The following SYN3 variants were observed in gnomAD, a reference collection of about 807,000 sequenced individuals.
The protein encoded by SYN3 is synapsin III.
A neutral mutation model predicts 65.8 loss-of-function variants in SYN3; 35 were observed. The observed-to-expected ratio is 0.53, with a 90% confidence interval of 0.41 to 0.70. SYN3 has a LOEUF of 0.70. Ranked by LOEUF, SYN3 falls within the 30% of genes least tolerant of loss-of-function variation. The pLI, the probability that SYN3 is intolerant of heterozygous loss-of-function variation, is 0.00. For missense variants in SYN3, 680 were observed against 749.0 expected (o/e 0.91, Z 1.08); for synonymous variants, 270 against 292.9 (o/e 0.92, Z 0.80).
chr22:32,752,851 T>C (rs908224618), intron 6 of SYN3, among the ~76,000 whole-genome samples: 21 of 151,930 alleles, frequency 1.4e-4, no homozygotes, highest in African/African-American at 5.1e-4. Flanking sequence ...GGAGCATGCA[T>C]GGGGGGCCGG....
At chr22:32,848,314 T>A (rs1343904105) in intron 6 of SYN3, among the ~76,000 whole-genome samples, 1 of 152,190 alleles carries the variant, frequency 6.6e-6, no homozygotes, top group Non-Finnish European at 1.5e-5. Flanking sequence ...GTGGGAAATT[T>A]CATAAGATCT....
intron 6 of SYN3, among the ~76,000 whole-genome samples, chr22:32,619,396 TG>T (rs2059564965): frequency 6.6e-6 from 1 of 152,218 alleles, no homozygotes; most frequent in African/African-American, 2.4e-5. Context: ...ACCCCTGTTC[TG>T]AAATACCAGG....
intron 3 of SYN3, among the ~76,000 whole-genome samples, chr22:32,958,439 T>C (rs1601786710): frequency 6.6e-6 from 1 of 152,256 alleles, no homozygotes; most frequent in East Asian, 1.9e-4. Flanking sequence ...GAAGTAGTAG[T>C]TGGAGTCTTT....
chr22:32,637,309 G>A lies in SYN3; in HGVS notation c.712-40573C>T, dbSNP rs568579716. ...GCCTCAGTTTCCTTAACTTCAAAAC[G>A]AGGATGATGACGGTCCCACCATCAT... is the stretch of plus-strand genomic sequence containing the variant. On this transcript the variant is annotated intron_variant, in intron 6 of 13. Transcript: ENST00000358763. Among the ~76,000 whole-genome samples, 8 of 152,304 alleles carry A rather than the reference G, an allele frequency of 5.3e-5. No homozygotes were observed. The South Asian group carries it at 8.3e-4, about 16-fold the overall frequency.
rs1283609373 is a variant in SYN3 at position 32,951,198 on chromosome 22, C to G, written c.370-19717G>C. Among the ~76,000 whole-genome samples the G allele has an allele frequency of 1.6e-4, 25 of 152,176 alleles. 1 individual carries two copies. The highest frequency in any genetic ancestry group is 3.7e-4 in the Non-Finnish European group (25 of 68,026). Reference sequence around the variant, plus strand: ...TACTCTGATGCCTCCCCCCATCCCCCTAGTTCCGACTTGCTCAGCCATTGC... The same window carrying G: ...TACTCTGATGCCTCCCCCCATCCCCGTAGTTCCGACTTGCTCAGCCATTGC... On this transcript the variant is annotated intron_variant, in intron 3 of 13. Transcript: ENST00000358763.
chr22:33,015,842 TTTC>T (rs922144151), intron 1 of SYN3, among the ~76,000 whole-genome samples: 20 of 143,304 alleles, frequency 1.4e-4, no homozygotes, highest in Non-Finnish European at 2.6e-4. Context: ...CAAATTTTCT[TTTC>T]TTTTTTTTTT....
At chr22:32,877,092 T>C (rs1304772099) in intron 4 of SYN3, among the ~76,000 whole-genome samples, 1 of 152,234 alleles carries the variant, frequency 6.6e-6, no homozygotes, top group Non-Finnish European at 1.5e-5. Context: ...GTCTGTGCCC[T>C]CTGGCCCCAA....
At chr22:32,929,935 T>C (rs1359323508) in intron 4 of SYN3, among the ~76,000 whole-genome samples, 1 of 152,174 alleles carries the variant, frequency 6.6e-6, no homozygotes, top group Non-Finnish European at 1.5e-5. Flanking sequence ...GGTAATTCCT[T>C]ACTGTCACAC....
chr22:32,553,394 AT>A (rs1440944390), intron 7 of SYN3, among the ~76,000 whole-genome samples: 1 of 152,254 alleles, frequency 6.6e-6, no homozygotes, highest in African/African-American at 2.4e-5. Context: ...GGTAAAAGAT[AT>A]CAAAAGGAAA....
intron 1 of SYN3, among the ~76,000 whole-genome samples, chr22:33,029,892 A>G (rs1282056559): frequency 6.6e-6 from 1 of 152,126 alleles, no homozygotes; most frequent in Non-Finnish European, 1.5e-5. Flanking sequence ...TTATAGCTCC[A>G]TTCCCCACGC....
intron 6 of SYN3, among the ~76,000 whole-genome samples, chr22:32,669,680 C>T (rs1160729944): frequency 6.6e-6 from 1 of 152,188 alleles, no homozygotes; most frequent in Non-Finnish European, 1.5e-5. Context: ...TAGTTTTATA[C>T]ATGGTTGTCC....
intron 1 of SYN3, among the ~76,000 whole-genome samples, chr22:33,044,844 CTT>C (rs1302960357): frequency 1.6e-4 from 22 of 134,822 alleles, no homozygotes; most frequent in Admixed American, 3.3e-4. Context: ...GATGATTCTT[CTT>C]TTTTTTTTTT....
At chr22:32,618,154 T>A (rs1030956791) in intron 6 of SYN3, among the ~76,000 whole-genome samples, 1 of 151,946 alleles carries the variant, frequency 6.6e-6, no homozygotes, top group Non-Finnish European at 1.5e-5. Flanking sequence ...AACCACTAAA[T>A]CTTTGATGAT....
intron 10 of SYN3, among the ~76,000 whole-genome samples, chr22:32,531,496 C>T (rs577731220): frequency 3.3e-5 from 5 of 152,324 alleles, no homozygotes; most frequent in South Asian, 2.1e-4. Flanking sequence ...TGGCCACCCT[C>T]GTCTCCCCAG....
At chr22:32,739,162 T>A (rs888063255) in intron 6 of SYN3, among the ~76,000 whole-genome samples, 1 of 145,664 alleles carries the variant, frequency 6.9e-6, no homozygotes, top group African/African-American at 2.5e-5. Context: ...TGGTGGGAGA[T>A]AATTGAATCA....
intron 6 of SYN3, among the ~76,000 whole-genome samples, chr22:32,856,692 C>T (rs565519298): frequency 2.0e-5 from 3 of 152,284 alleles, no homozygotes; most frequent in South Asian, 4.1e-4. Flanking sequence ...CTACTAGCTA[C>T]TTTGAGATAT....
intron 6 of SYN3, among the ~76,000 whole-genome samples, chr22:32,737,535 A>G (rs1466239227): frequency 1.3e-5 from 2 of 151,386 alleles, no homozygotes; most frequent in East Asian, 3.9e-4. Flanking sequence ...CTCACTGTTC[A>G]ATTCCCACCT....
At position 32,825,583 on chromosome 22, in the gene SYN3, G is replaced by A. The variant is rs184761402; in HGVS notation, c.711+39332C>T. Among the ~76,000 whole-genome samples the A allele has an allele frequency of 4.1e-3, 532 of 129,642 alleles. 3 individuals carry two copies. Among genetic ancestry groups the A allele is most frequent in the South Asian group, 6.7e-3 (25 of 3,742 alleles). The allele number at this position is 129,642 out of a possible 152,430, so 85.1% of individuals were successfully genotyped here. A position where few individuals can be genotyped will look rare whatever the true frequency, so the allele number is the denominator to read the frequency against. ...CTGAGGCAGAGAATCACTTGAACCC[G>A]CAAGGCAGAGGTTGCAGTGAGCCGA... On this transcript the variant is annotated intron_variant, in intron 6 of 13. Transcript: ENST00000358763.
At chr22:32,867,933 CAAAT>C (rs1285646596) in intron 5 of SYN3, among the ~76,000 whole-genome samples, 1 of 152,118 alleles carries the variant, frequency 6.6e-6, no homozygotes, top group East Asian at 1.9e-4. Context: ...GATGGAAACT[CAAAT>C]AAATCAAATG....
Sources: gnomAD v4.1 joint callset for allele counts (sites outside exome capture counted in the v4.1 genomes callset) on GRCh38, gnomAD v4.1.1 for gene constraint, MANE v1.5 for transcripts, NCBI Gene and HGNC (gene_info 2026-07-23, HGNC 2026-07-21) for gene names.